OPCML: variants seen among roughly 807,000 people sequenced by gnomAD.
The protein encoded by OPCML is opioid-binding protein/cell adhesion molecule.
OPCML carries 13 observed loss-of-function variants against 37.8 expected under a neutral mutation model. The observed-to-expected ratio is 0.34, with a 90% CI of 0.22 to 0.55. OPCML has a LOEUF of 0.55. OPCML is among the 20% of genes least tolerant of loss of function. The probability of loss-of-function intolerance (pLI) is 0.91; values close to 1 mark genes in which losing one functional copy is unlikely to be tolerated. For missense variants in OPCML, 341 were observed against 435.6 expected, an observed-to-expected ratio of 0.78 and a Z score of 1.93; for synonymous variants, 176 against 168.8, an observed-to-expected ratio of 1.04 and a Z score of -0.33.
At chr11:133,404,411 G>A (rs1026168469) in intron 1 of OPCML, among the ~76,000 whole-genome samples, 3 of 152,140 alleles carry the variant, frequency 2.0e-5, no homozygotes, top group Non-Finnish European at 4.4e-5. Flanking sequence ...GGTGATAATG[G>A]GAAAAGGTGC....
At chr11:132,832,220 C>CTTT (rs1246873320) in intron 2 of OPCML, among the ~76,000 whole-genome samples, 4 of 125,250 alleles carry the variant, frequency 3.2e-5, no homozygotes, top group South Asian at 5.3e-4. Flanking sequence ...TTCCCAACCT[C>CTTT]TTTTTTTTTT....
At chr11:133,183,970 T>A (rs1364615053) in intron 1 of OPCML, among the ~76,000 whole-genome samples, 1 of 152,180 alleles carries the variant, frequency 6.6e-6, no homozygotes. Context: ...AGCCCACTTA[T>A]TTACGCAGCA....
At chr11:133,248,063 A>G (rs1309497651) in intron 1 of OPCML, among the ~76,000 whole-genome samples, 2 of 152,230 alleles carry the variant, frequency 1.3e-5, no homozygotes, top group African/African-American at 4.8e-5. Context: ...GGAAGCTGCC[A>G]TGGCTTGAAG....
chr11:132,747,883 C>G (rs1035081022), intron 2 of OPCML, among the ~76,000 whole-genome samples: 1 of 152,050 alleles, frequency 6.6e-6, no homozygotes, highest in Non-Finnish European at 1.5e-5. Context: ...TCCAGGCTGG[C>G]CTCGAACTGC....
chr11:133,379,796 A>C (rs1222320215), intron 1 of OPCML, among the ~76,000 whole-genome samples: 1 of 152,220 alleles, frequency 6.6e-6, no homozygotes, highest in East Asian at 1.9e-4. Context: ...CACAGTGTAC[A>C]ATAACATTAA....
At chr11:132,463,358 C>A (rs935002059) in intron 4 of OPCML, among the ~76,000 whole-genome samples, 1 of 152,310 alleles carries the variant, frequency 6.6e-6, no homozygotes, top group Non-Finnish European at 1.5e-5. Context: ...ATCTCTAAAC[C>A]TAGAGTGGGC....
Position 133,337,845 on chromosome 11 carries a change from C to T in OPCML, c.61+194419G>A, listed in dbSNP as rs548753751. On this transcript the variant is annotated intron_variant, in intron 1 of 7. Coordinates refer to ENST00000524381, the MANE Select transcript of OPCML (RefSeq NM_001012393.5). Reference sequence around the variant, plus strand: ...AAAAGGAGATGATGTTACAGCAGTACAAGATGATATGAATATTACAGCTGA... The same window carrying T: ...AAAAGGAGATGATGTTACAGCAGTATAAGATGATATGAATATTACAGCTGA... Among the ~76,000 whole-genome samples, 24 of 152,202 alleles carry T rather than the reference C, an allele frequency of 1.6e-4. No homozygotes were observed. In the East Asian group the frequency reaches 4.3e-3, roughly 27 times the overall value.
Position 133,413,812 on chromosome 11 carries a change from G to T in OPCML, c.61+118452C>A, listed in dbSNP as rs1945702746. Among the ~76,000 whole-genome samples, 5 of 152,306 alleles carry T rather than the reference G, an allele frequency of 3.3e-5. No individual in the cohort carries two copies. The South Asian group carries it at 1.0e-3, about 32-fold the overall frequency. ...AGAGTGATTGTGGCTGTCAGGATGT[G>T]AAAGGAAAGCTGATAAAGTTCCTTG... On this transcript the variant is annotated intron_variant, in intron 1 of 7. Transcript: ENST00000524381.
At chr11:132,598,285 C>G (rs759038804) in intron 3 of OPCML, among the ~76,000 whole-genome samples, 24 of 152,098 alleles carry the variant, frequency 1.6e-4, no homozygotes, top group Non-Finnish European at 3.1e-4. Flanking sequence ...GTTTCACCTA[C>G]TAGGCTATTC....
intron 2 of OPCML, among the ~76,000 whole-genome samples, chr11:132,890,629 G>A (rs1327363706): frequency 1.3e-5 from 2 of 151,098 alleles, no homozygotes; most frequent in Non-Finnish European, 2.9e-5. Context: ...GGCGGATCAC[G>A]AGGTCAGGAG....
intron 1 of OPCML, among the ~76,000 whole-genome samples, chr11:133,523,307 C>T (rs972330042): frequency 6.6e-6 from 1 of 152,018 alleles, no homozygotes; most frequent in Non-Finnish European, 1.5e-5. Flanking sequence ...AAGCAGGAAC[C>T]TGAGGACGGA....
chr11:133,289,666 T>G (rs1168694203), intron 1 of OPCML, among the ~76,000 whole-genome samples: 2 of 151,416 alleles, frequency 1.3e-5, no homozygotes, highest in African/African-American at 4.9e-5. Flanking sequence ...TCTTAGAGAC[T>G]AGGGCTAGTT....
At chr11:132,559,299 G>C (rs2096405220) in intron 3 of OPCML, among the ~76,000 whole-genome samples, 1 of 152,086 alleles carries the variant, frequency 6.6e-6, no homozygotes, top group Admixed American at 6.6e-5. Flanking sequence ...ATGCTACAAG[G>C]TTATGGGTAA....
chr11:133,298,499 C>T (rs894924806), intron 1 of OPCML: 3 of 151,944 alleles, frequency 2.0e-5, no homozygotes, highest in Admixed American at 1.3e-4. Flanking sequence ...TTCTATTGAC[C>T]CAAGGAAAAC....
At chr11:132,501,417 C>T (rs543575746) in intron 4 of OPCML, among the ~76,000 whole-genome samples, 2 of 152,282 alleles carry the variant, frequency 1.3e-5, no homozygotes, top group African/African-American at 4.8e-5. Context: ...TTCCTGGTCC[C>T]GGGTGCCATA....
intron 1 of OPCML, among the ~76,000 whole-genome samples, chr11:133,356,807 T>G (rs763070073): frequency 1.3e-5 from 2 of 152,190 alleles, no homozygotes; most frequent in African/African-American, 2.4e-5. Flanking sequence ...CAGAGTCTCA[T>G]CCAGGTCAAG....
intron 2 of OPCML, among the ~76,000 whole-genome samples, chr11:132,868,145 T>C (rs1942646866): frequency 6.6e-6 from 1 of 152,156 alleles, no homozygotes. Context: ...TTTTCTCAGT[T>C]TCACAAATGA....
chr11:132,918,212 C>G (rs1440716611), intron 2 of OPCML, among the ~76,000 whole-genome samples: 4 of 152,078 alleles, frequency 2.6e-5, no homozygotes, highest in Non-Finnish European at 4.4e-5. Context: ...TTTTCTAGTA[C>G]TATGTTTATT....
intron 1 of OPCML, among the ~76,000 whole-genome samples, chr11:133,132,149 T>C (rs1015073061): frequency 6.6e-6 from 1 of 152,178 alleles, no homozygotes; most frequent in Admixed American, 6.5e-5. Flanking sequence ...AAAGAACTTG[T>C]AGACAGAATA....
Sources: gnomAD v4.1 joint callset for allele counts (sites outside exome capture counted in the v4.1 genomes callset) on GRCh38, gnomAD v4.1.1 for gene constraint, MANE v1.5 for transcripts, NCBI Gene and HGNC (gene_info 2026-07-23, HGNC 2026-07-21) for gene names.